TRIM59: variants seen among roughly 807,000 people sequenced by gnomAD.
The protein encoded by TRIM59 is tripartite motif containing 59.
A neutral mutation model predicts 32.2 loss-of-function variants in TRIM59; 14 were observed. The ratio of observed to expected loss-of-function variants is 0.43; its 90% CI spans 0.29 to 0.68. The LOEUF (loss-of-function observed/expected upper bound fraction) is 0.68. Ranked by LOEUF, TRIM59 falls within the 30% of genes least tolerant of loss-of-function variation. TRIM59 has a pLI of 0.15. For synonymous variants in TRIM59, 163 were observed against 155.1 expected, an observed-to-expected ratio of 1.05 and a Z score of -0.38; for missense variants, 471 against 463.3, an observed-to-expected ratio of 1.02 and a Z score of -0.15.
rs777534190 is a variant in TRIM59 at position 160,449,709 on chromosome 3, A to T, written c.-74+8T>A. 3 of 1,288,752 alleles carry T rather than the reference A, an allele frequency of 2.3e-6. No individual in the cohort carries two copies. The highest frequency in any genetic ancestry group is 2.3e-5 in the Admixed American group (1 of 43,544). The allele number at this position is 1,288,752 out of a possible 1,614,324, so 79.8% of individuals were successfully genotyped here. A position where few individuals can be genotyped will look rare whatever the true frequency, so the allele number is the denominator to read the frequency against. On this transcript the variant is annotated splice_region_variant and intron_variant, in intron 1 of 2. Transcript: ENST00000309784. ...CTTCTCCGCATCCGTAAAGGTCCTT[A>T]GACTCACCGCGGGGAGGAAGCGGAC...
chr3:160,436,686 T>C lies in TRIM59; in HGVS notation c.*1286A>G, dbSNP rs549984884. On this transcript the variant is annotated 3_prime_UTR_variant, in exon 3 of 3. Coordinates refer to ENST00000309784, the MANE Select transcript of TRIM59 (RefSeq NM_173084.3). ...GGTAGCAGATGCCTGTAGTCCCAGC[T>C]ACTCGGGAGGCTGAGGCAGGAGAAT... The C allele has an allele frequency of 1.9e-6, 1 of 537,498 alleles. No homozygotes were observed. The highest frequency in any genetic ancestry group is 2.4e-6 in the Non-Finnish European group (1 of 422,446). The allele number at this position is 537,498 out of a possible 1,614,324, so 33.3% of individuals were successfully genotyped here.
chr3:160,441,634 G>C (rs1719250896), intron 2 of TRIM59, among the ~76,000 whole-genome samples: 1 of 151,316 alleles, frequency 6.6e-6, no homozygotes, highest in African/African-American at 2.4e-5. Context: ...GGCGCCTGTA[G>C]TCCCAGCCAC....
Position 160,438,869 on chromosome 3 carries a change from T to C in TRIM59, c.315A>G (p.Leu105=). The change falls in exon 3 of 3, where the codon TTA becomes TTG. Residue 105 remains leucine, a synonymous_variant. Transcript: ENST00000309784. ...VTCPEHYRQP[L]NVYCLLDKKL... ...TTTTATCTAATAGACAGTAAACATT[T>C]AATGGTTGCCTGTAATGTTCAGGGC... The C allele has an allele frequency of 4.3e-6, 7 of 1,614,066 alleles. No homozygotes were observed. The highest frequency in any genetic ancestry group is 4.2e-6 in the Non-Finnish European group (5 of 1,179,948).
At chr3:160,442,027 T>C (rs2108517384) in intron 2 of TRIM59, among the ~76,000 whole-genome samples, 1 of 152,294 alleles carries the variant, frequency 6.6e-6, no homozygotes, top group South Asian at 2.1e-4. Flanking sequence ...ACAAATGTGT[T>C]TTTCAGAGTA....
chr3:160,437,279 G>T lies in TRIM59; in HGVS notation c.*693C>A. 1.4e-6 allele frequency: 1 copy of T among 738,330 alleles called. No homozygotes were observed. The highest frequency in any genetic ancestry group is 1.7e-6 in the Non-Finnish European group (1 of 604,758). The allele number at this position is 738,330 out of a possible 1,614,324, so 45.7% of individuals were successfully genotyped here. ...AGAGGCGGGAGGATCGATTGAGCCT[G>T]GGTGGTCGAAACTGCAGTGAGTCAT... On this transcript the variant is annotated 3_prime_UTR_variant, in exon 3 of 3. Transcript: ENST00000309784.
chr3:160,438,912 T>C lies in TRIM59; in HGVS notation c.272A>G (p.His91Arg). 1 of 1,614,126 alleles carries C rather than the reference T, an allele frequency of 6.2e-7. No homozygotes were observed. The highest frequency in any genetic ancestry group is 8.5e-7 in the Non-Finnish European group (1 of 1,179,982). Residue 91 changes from histidine to arginine, a missense_variant, in exon 3 of 3, where the codon CAT (histidine) becomes CGT (arginine). Transcript: ENST00000309784. ...TTCAGGGCAGGTGACAATATCTGGA[T>C]GGTCTTCTTGCTGGTACTTTTCAAT... ...AIIEKYQQEDHPDIVTCPEHY... is the reference protein window; with the variant it reads ...AIIEKYQQEDRPDIVTCPEHY...
rs374616889 is a variant in TRIM59, at chr3:160,435,856, A to C, written c.*2116T>G. 1 of 878,470 alleles carries C rather than the reference A, an allele frequency of 1.1e-6. No homozygotes were observed. The highest frequency in any genetic ancestry group is 6.2e-5 in the East Asian group (1 of 16,084). 54.4% of individuals were successfully genotyped at this position (878,470 alleles called of 1,614,324 possible). A position where few individuals can be genotyped will look rare whatever the true frequency, so the allele number is the denominator to read the frequency against. ...AGAATGCATGGGTTTTCTCACAGCT[A>C]TATGGCCTTGGACAAGTCACTTGTC... On this transcript the variant is annotated 3_prime_UTR_variant, in exon 3 of 3. Transcript: ENST00000309784.
At chr3:160,441,443 C>T (rs1041647775) in intron 2 of TRIM59, among the ~76,000 whole-genome samples, 2 of 151,798 alleles carry the variant, frequency 1.3e-5, no homozygotes, top group Non-Finnish European at 2.9e-5. Context: ...AGGTGTAAAA[C>T]GAAAATCTAT....
chr3:160,444,519 C>T (rs1719418310), intron 2 of TRIM59, among the ~76,000 whole-genome samples: 1 of 152,220 alleles, frequency 6.6e-6, no homozygotes, highest in African/African-American at 2.4e-5. Context: ...ATAATTATCT[C>T]CCACATGAGC....
In TRIM59 at chr3:160,437,270, A is replaced by AT; in HGVS notation, c.*701dup. On this transcript the variant is annotated 3_prime_UTR_variant, in exon 3 of 3. Coordinates refer to ENST00000309784, the MANE Select transcript of TRIM59 (RefSeq NM_173084.3). ...TCCAGAGGCAGAGGCGGGAGGATCGATTGAGCCTGGGTGGTCGAAACTGCA... is the reference window on the plus strand; with the variant it reads ...TCCAGAGGCAGAGGCGGGAGGATCGATTTGAGCCTGGGTGGTCGAAACTGCA... 1 of 695,404 alleles carries AT rather than the reference A, an allele frequency of 1.4e-6. No individual in the cohort carries two copies. The highest frequency in any genetic ancestry group is 1.3e-4 in the East Asian group (1 of 7,458). The allele number at this position is 695,404 out of a possible 1,614,324, so 43.1% of individuals were successfully genotyped here.
rs1016706021 is a variant in TRIM59 at position 160,436,014 on chromosome 3, CTAG to C, written c.*1955_*1957del. ...ACTACAGGGCACTTTTATGGTGTGACTAGTATTTTAAGTAATCAGTGCAACTTA... is the reference window on the plus strand; with the variant it reads ...ACTACAGGGCACTTTTATGGTGTGACTATTTTAAGTAATCAGTGCAACTTA... On this transcript the variant is annotated 3_prime_UTR_variant, in exon 3 of 3. Coordinates refer to ENST00000309784, the MANE Select transcript of TRIM59 (RefSeq NM_173084.3). The C allele has an allele frequency of 3.9e-5, 48 of 1,228,554 alleles. No individual in the cohort carries two copies. The highest frequency in any genetic ancestry group is 4.9e-5 in the Non-Finnish European group (47 of 961,614). The allele number at this position is 1,228,554 out of a possible 1,614,324, so 76.1% of individuals were successfully genotyped here.
At chr3:160,439,632 G>C (rs146440478) in intron 2 of TRIM59, among the ~76,000 whole-genome samples, 1 of 152,160 alleles carries the variant, frequency 6.6e-6, no homozygotes, top group East Asian at 1.9e-4. Context: ...TGATGGTTTT[G>C]TAAGAGGAAA....
chr3:160,435,717 A>T lies in TRIM59; in HGVS notation c.*2255T>A. 3.9e-6 allele frequency: 1 copy of T among 256,582 alleles called. No homozygotes were observed. The highest frequency in any genetic ancestry group is 7.9e-6 in the Non-Finnish European group (1 of 126,550). 15.9% of individuals were successfully genotyped at this position (256,582 alleles called of 1,614,324 possible). A position where few individuals can be genotyped will look rare whatever the true frequency, so the allele number is the denominator to read the frequency against. ...AAAAACTGGCAAGATACAAAATGTC[A>T]AATCTAAAATGATATATATACTTAC... On this transcript the variant is annotated 3_prime_UTR_variant, in exon 3 of 3. Coordinates refer to ENST00000309784, the MANE Select transcript of TRIM59 (RefSeq NM_173084.3).
Position 160,437,406 on chromosome 3 carries a change from G to T in TRIM59, c.*566C>A. ...CTCTAACAGTTATCCAAAAGCAATA[G>T]TTTTATTTGGAGTGAATGGTGATAA... On this transcript the variant is annotated 3_prime_UTR_variant, in exon 3 of 3. Coordinates refer to ENST00000309784, the MANE Select transcript of TRIM59 (RefSeq NM_173084.3). The T allele has an allele frequency of 1.0e-6, 1 of 985,328 alleles. No homozygotes were observed. The highest frequency in any genetic ancestry group is 1.2e-6 in the Non-Finnish European group (1 of 829,906). The allele number at this position is 985,328 out of a possible 1,614,324, so 61.0% of individuals were successfully genotyped here.
rs1056413038 is a variant in TRIM59, at chr3:160,439,228, C to T, written c.-3-42G>A. 6 of 1,436,334 alleles carry T rather than the reference C, an allele frequency of 4.2e-6. No individual in the cohort carries two copies. In the Admixed American group the frequency reaches 1.0e-4, roughly 24 times the overall value. The allele number at this position is 1,436,334 out of a possible 1,614,324, so 89.0% of individuals were successfully genotyped here. On this transcript the variant is annotated intron_variant, in intron 2 of 2. Coordinates refer to ENST00000309784, the MANE Select transcript of TRIM59 (RefSeq NM_173084.3). ...GTATTTTAAGTTTACATAGAGACAC[C>T]TGTACATATTATTTAACATTCTAGG...
chr3:160,439,219 T>C (rs939127080), intron 2 of TRIM59, 33 bp from the exon 3 acceptor site: 4 of 1,480,018 alleles, frequency 2.7e-6, no homozygotes, highest in Non-Finnish European at 3.6e-6. Context: ...TAAGTTTACA[T>C]AGAGACACCT....
In TRIM59 at chr3:160,437,196, A is replaced by C; in HGVS notation, c.*776T>G. 1.6e-6 allele frequency: 1 copy of C among 606,958 alleles called. No individual in the cohort carries two copies. The highest frequency in any genetic ancestry group is 6.3e-5 in the Admixed American group (1 of 15,794). 37.6% of individuals were successfully genotyped at this position (606,958 alleles called of 1,614,324 possible). On this transcript the variant is annotated 3_prime_UTR_variant, in exon 3 of 3. Transcript: ENST00000309784. ...GCAAAACCTCGTTTCTACAAAAAAC[A>C]ATTTTTTTAATTAGCCAGGCATGGG...
Position 160,438,746 on chromosome 3 carries a change from T to C in TRIM59, c.438A>G (p.Gln146=), listed in dbSNP as rs1577012377. 2 of 1,614,072 alleles carry C rather than the reference T, an allele frequency of 1.2e-6. No homozygotes were observed. Among genetic ancestry groups the C allele is most frequent in the Non-Finnish European group, 1.7e-6 (2 of 1,180,010 alleles). Residue 146 remains glutamine, a synonymous_variant, in exon 3 of 3, where the codon CAA becomes CAG. Coordinates refer to ENST00000309784, the MANE Select transcript of TRIM59 (RefSeq NM_173084.3). ...SAYLKEKDTP[Q]KLLEQLTDTH... is the part of the protein sequence containing the mutation. ...TGTCAGTCAACTGTTCAAGCAGTTT[T>C]TGAGGAGTGTCCTTTTCTTTCAAAT...
chr3:160,448,903 G>C, intron 1 of TRIM59, 108 bp from the exon 2 acceptor site: 2 of 553,696 alleles, frequency 3.6e-6, no homozygotes, highest in Non-Finnish European at 5.6e-6. Flanking sequence ...ATGCTTCATC[G>C]TGTTTTCAGA....
Sources: gnomAD v4.1 joint callset for allele counts (sites outside exome capture counted in the v4.1 genomes callset) on GRCh38, gnomAD v4.1.1 for gene constraint, MANE v1.5 for transcripts, NCBI Gene and HGNC (gene_info 2026-07-23, HGNC 2026-07-21) for gene names.